PARD3B: variants seen among roughly 807,000 people sequenced by gnomAD.
PARD3B encodes the protein partitioning defective 3 homolog B.
A neutral mutation model predicts 130.2 loss-of-function variants in PARD3B; 103 were observed. The ratio of observed to expected loss-of-function variants is 0.79; its 90% CI spans 0.67 to 0.93. PARD3B has a LOEUF of 0.93. PARD3B is among the 40% of genes least tolerant of loss of function. The pLI is 0.00. For synonymous variants in PARD3B, 583 were observed against 553.2 expected (o/e 1.05, Z -0.76); for missense variants, 1,609 against 1,499.2 (o/e 1.07, Z -1.21).
intron 22 of PARD3B, among the ~76,000 whole-genome samples, chr2:205,596,195 G>C (rs1332220266): frequency 6.6e-6 from 1 of 152,196 alleles, no homozygotes; most frequent in East Asian, 1.9e-4. Context: ...TGATCAGCCA[G>C]AGTAAGAAGA....
At chr2:204,577,008 TAA>T (rs937833358) in intron 1 of PARD3B, among the ~76,000 whole-genome samples, 1 of 152,148 alleles carries the variant, frequency 6.6e-6, no homozygotes, top group African/African-American at 2.4e-5. Flanking sequence ...GAATTTGAAA[TAA>T]AACTTGAAAA....
chr2:204,749,413 G>T (rs1315959262), intron 2 of PARD3B, among the ~76,000 whole-genome samples: 1 of 151,834 alleles, frequency 6.6e-6, no homozygotes, highest in Non-Finnish European at 1.5e-5. Flanking sequence ...TCATTTTTAG[G>T]ATATCTCACA....
Position 205,158,804 on chromosome 2 carries a change from C to T in PARD3B, c.1517C>T (p.Ser506Phe). The T allele has an allele frequency of 1.2e-6, 2 of 1,614,162 alleles. No homozygotes were observed. Among genetic ancestry groups the T allele is most frequent in the Non-Finnish European group, 1.7e-6 (2 of 1,179,996 alleles). ...GAGATCCCCCTGAATGATTCAGGTT[C>T]TGCTGGCCTCGGGGTGAGCTTAAAA... ...TFEIPLNDSG[S>F]AGLGVSLKGN... The change falls in exon 11 of 23, where the codon TCT becomes TTT. Residue 506 changes from serine to phenylalanine, a missense_variant. Coordinates refer to ENST00000406610, the MANE Select transcript of PARD3B (RefSeq NM_001302769.2). This position sits in a 1 kb window ranked among gnomAD's most constrained non-coding sequence, Gnocchi z 5.4.
At chr2:204,698,184 T>G (rs909052042) in intron 2 of PARD3B, among the ~76,000 whole-genome samples, 4 of 152,254 alleles carry the variant, frequency 2.6e-5, no homozygotes, top group Admixed American at 2.6e-4. Context: ...ACTCACAGAT[T>G]ACGGATTGTC....
At chr2:205,071,703 CA>C (rs1467596877) in intron 4 of PARD3B, among the ~76,000 whole-genome samples, 1 of 152,150 alleles carries the variant, frequency 6.6e-6, no homozygotes, top group Non-Finnish European at 1.5e-5. Flanking sequence ...AGAATCTTTT[CA>C]CTTTGTAGTG....
chr2:205,357,952 G>A (rs989584948), intron 18 of PARD3B, among the ~76,000 whole-genome samples: 7 of 152,254 alleles, frequency 4.6e-5, no homozygotes, highest in Admixed American at 2.6e-4. Flanking sequence ...ACATCCCCAC[G>A]CCTGGCTGAA....
chr2:205,054,901 T>TC (rs1010238736), intron 4 of PARD3B, among the ~76,000 whole-genome samples: 4 of 152,158 alleles, frequency 2.6e-5, no homozygotes, highest in African/African-American at 9.7e-5. Context: ...TGGTTTTTTT[T>TC]CCCTTTAGCC....
chr2:204,997,600 C>T (rs942069558), intron 3 of PARD3B, among the ~76,000 whole-genome samples: 14 of 151,274 alleles, frequency 9.3e-5, no homozygotes, highest in East Asian at 3.8e-4. Flanking sequence ...TTTAGACTTT[C>T]GTGGACACTA....
chr2:204,830,626 A>C (rs1050857208), intron 2 of PARD3B, among the ~76,000 whole-genome samples: 6 of 152,226 alleles, frequency 3.9e-5, no homozygotes, highest in Non-Finnish European at 1.5e-5. Flanking sequence ...AAGAAATGCT[A>C]TAAGACCAAG....
intron 2 of PARD3B, among the ~76,000 whole-genome samples, chr2:204,951,636 A>C (rs559495635): frequency 5.3e-4 from 80 of 152,288 alleles, no homozygotes; most frequent in Non-Finnish European, 1.0e-3. Flanking sequence ...GAAGTGTTTC[A>C]TATGTTACCT....
chr2:205,079,959 G>T (rs936918715), intron 4 of PARD3B, among the ~76,000 whole-genome samples: 13 of 152,116 alleles, frequency 8.5e-5, no homozygotes, highest in Non-Finnish European at 1.8e-4. Flanking sequence ...AAGTTGGTGA[G>T]CTATGGTATA....
intron 2 of PARD3B, among the ~76,000 whole-genome samples, chr2:204,919,545 T>C (rs539563376): frequency 3.0e-4 from 46 of 152,306 alleles, no homozygotes; most frequent in African/African-American, 1.0e-3. Context: ...AGCATGTTTT[T>C]GAGATTCACC....
At chr2:204,784,512 T>G (rs1260581208) in intron 2 of PARD3B, among the ~76,000 whole-genome samples, 1 of 152,204 alleles carries the variant, frequency 6.6e-6, no homozygotes, top group Non-Finnish European at 1.5e-5. Flanking sequence ...GGACATGGCA[T>G]GTAAGCATTC....
At chr2:205,144,794 A>T (rs2033226614) in intron 10 of PARD3B, among the ~76,000 whole-genome samples, 1 of 152,164 alleles carries the variant, frequency 6.6e-6, no homozygotes, top group South Asian at 2.1e-4. Context: ...CAGCATACTA[A>T]AGGGGATTGG....
intron 18 of PARD3B, among the ~76,000 whole-genome samples, chr2:205,314,896 G>A (rs2042509396): frequency 6.6e-6 from 1 of 152,108 alleles, no homozygotes. Context: ...TGATGTCCGG[G>A]ATGCCTCCCC....
At chr2:204,646,361 C>T (rs773742525) in intron 1 of PARD3B, among the ~76,000 whole-genome samples, 2 of 151,962 alleles carry the variant, frequency 1.3e-5, no homozygotes, top group Admixed American at 1.3e-4. Flanking sequence ...TTTAGTTTTT[C>T]GTGTTTTTTG....
At chr2:205,066,582 G>A (rs1559406196) in intron 4 of PARD3B, among the ~76,000 whole-genome samples, 2 of 152,138 alleles carry the variant, frequency 1.3e-5, no homozygotes, top group South Asian at 4.1e-4. Context: ...AACTTACCAG[G>A]GACAGTTTCT....
At chr2:205,047,913 A>G (rs145597620) in intron 4 of PARD3B, 48 of 365,604 alleles carry the variant, frequency 1.3e-4, no homozygotes, top group African/African-American at 9.4e-4. Context: ...GTACTATTTT[A>G]CCTGTTTTAT....
At chr2:204,763,373 AT>A (rs888106196) in intron 2 of PARD3B, among the ~76,000 whole-genome samples, 32 of 152,336 alleles carry the variant, frequency 2.1e-4, no homozygotes, top group African/African-American at 7.5e-4. Context: ...CTATCTGATT[AT>A]TTTGTGTAAA....
Sources: gnomAD v4.1 joint callset for allele counts (sites outside exome capture counted in the v4.1 genomes callset) on GRCh38, gnomAD v4.1.1 for gene constraint, Gnocchi (gnomAD v3.1) non-coding constraint, MANE v1.5 for transcripts, NCBI Gene and HGNC (gene_info 2026-07-23, HGNC 2026-07-21) for gene names.